Variants in ENPP2 observed in about 807,000 individuals in gnomAD.
ENPP2 encodes the protein ectonucleotide pyrophosphatase/phosphodiesterase 2.
In ENPP2, 51 loss-of-function variants were observed where a neutral mutation model predicts 120.2. The observed-to-expected ratio is 0.42, with a 90% CI of 0.34 to 0.54. The LOEUF (loss-of-function observed/expected upper bound fraction) is 0.54, where lower values mean the gene tolerates loss of function less well. Ranked by LOEUF, ENPP2 falls within the 20% of genes least tolerant of loss-of-function variation. The pLI is 0.04. For synonymous variants in ENPP2, 365 were observed against 366.4 expected, an observed-to-expected ratio of 1.00 and a Z score of 0.04; for missense variants, 920 against 1,066.5, an observed-to-expected ratio of 0.86 and a Z score of 1.91.
At chr8:119,568,745 C>T (rs554954748) in intron 21 of ENPP2, among the ~76,000 whole-genome samples, 72 of 152,216 alleles carry the variant, frequency 4.7e-4, no homozygotes, top group African/African-American at 1.6e-3. Flanking sequence ...GGACTACTGG[C>T]GTGTGCCACC....
chr8:119,605,428 ATATGTGTGTGTGTGTGTG>A (rs1814640609), intron 9 of ENPP2, among the ~76,000 whole-genome samples: 1 of 135,410 alleles, frequency 7.4e-6, no homozygotes, highest in Non-Finnish European at 1.5e-5. Context: ...AAGATACCAT[ATATGTGTGTGTGTGTGTG>A]TGTGTGTGTG....
intron 22 of ENPP2, among the ~76,000 whole-genome samples, chr8:119,567,361 A>C (rs141120180): frequency 6.6e-6 from 1 of 152,346 alleles, no homozygotes; most frequent in African/African-American, 2.4e-5. Flanking sequence ...TTGGATAATT[A>C]AGTCAGAAAT....
At chr8:119,673,286 C>G (rs1398486876) in exon 1 of ENPP2, 1 of 1,535,238 alleles carries the variant, frequency 6.5e-7, no homozygotes, top group Non-Finnish European at 8.7e-7. Flanking sequence ...GCGGGAGTCT[C>G]GGCGTCTGTT....
In ENPP2 at chr8:119,557,311, A is replaced by T; in HGVS notation, c.*210T>A. The T allele has an allele frequency of 4.1e-6, 2 of 492,246 alleles. No homozygotes were observed. The highest frequency in any genetic ancestry group is 7.1e-6 in the Non-Finnish European group (2 of 280,342). The allele number at this position is 492,246 out of a possible 1,614,324, so 30.5% of individuals were successfully genotyped here. A position where few individuals can be genotyped will look rare whatever the true frequency, so the allele number is the denominator to read the frequency against. ...AGCTTCCACTAAAAACTCAAGCTGC[A>T]GTATTTATTACAAGCTCTACTCAGA... is the stretch of plus-strand genomic sequence containing the variant. On this transcript the variant is annotated 3_prime_UTR_variant, in exon 25 of 25. Transcript: ENST00000075322.
chr8:119,665,848 A>G (rs1364978061), intron 1 of ENPP2, among the ~76,000 whole-genome samples: 1 of 152,156 alleles, frequency 6.6e-6, no homozygotes, highest in Non-Finnish European at 1.5e-5. Context: ...CCATCTTAGA[A>G]AAATATAAAT....
At chr8:119,575,256 C>T (rs927292154) in intron 19 of ENPP2, among the ~76,000 whole-genome samples, 1 of 152,018 alleles carries the variant, frequency 6.6e-6, no homozygotes, top group African/African-American at 2.4e-5. Context: ...AATCCCAGGC[C>T]ATTACTCTTC....
chr8:119,623,527 T>C, intron 3 of ENPP2, among the ~76,000 whole-genome samples: 1 of 152,198 alleles, frequency 6.6e-6, no homozygotes, highest in East Asian at 1.9e-4. Context: ...CTGCCCCTTT[T>C]GGTAAATCAT....
intron 9 of ENPP2, among the ~76,000 whole-genome samples, chr8:119,605,687 C>T (rs1361401679): frequency 7.0e-6 from 1 of 143,182 alleles, no homozygotes. Flanking sequence ...AGGCTGGTCT[C>T]GAACTCCTGA....
chr8:119,636,868 G>C (rs1424250303), intron 2 of ENPP2, among the ~76,000 whole-genome samples: 1 of 151,784 alleles, frequency 6.6e-6, no homozygotes, highest in Non-Finnish European at 1.5e-5. Context: ...CTTCACAAGT[G>C]ACTTGCCCAA....
chr8:119,571,774 A>G (rs1274902809), intron 19 of ENPP2: 1 of 153,824 alleles, frequency 6.5e-6, no homozygotes. Context: ...TTCTTGTACT[A>G]TTTTTTCTAC....
intron 4 of ENPP2, among the ~76,000 whole-genome samples, chr8:119,620,383 G>T (rs1303637708): frequency 6.6e-6 from 1 of 152,138 alleles, no homozygotes; most frequent in Non-Finnish European, 1.5e-5. Flanking sequence ...CATAATTATT[G>T]GGTAGGGGAA....
intron 23 of ENPP2, among the ~76,000 whole-genome samples, chr8:119,564,297 T>G (rs1034195199): frequency 1.2e-4 from 19 of 152,066 alleles, no homozygotes; most frequent in Non-Finnish European, 1.8e-4. Context: ...CTTTAATACA[T>G]TTTTTTCATA....
intron 8 of ENPP2, among the ~76,000 whole-genome samples, chr8:119,615,206 G>T (rs151011099): frequency 2.0e-5 from 3 of 152,024 alleles, no homozygotes; most frequent in African/African-American, 4.8e-5. Context: ...GTCATGCCAC[G>T]GTTGAGTGCA....
intron 8 of ENPP2, among the ~76,000 whole-genome samples, chr8:119,609,899 C>A (rs1001021995): frequency 2.2e-4 from 33 of 152,052 alleles, no homozygotes; most frequent in Non-Finnish European, 3.8e-4. Flanking sequence ...CAAATAATGA[C>A]CTGCACTTTC....
upstream of ENPP2, among the ~76,000 whole-genome samples, chr8:119,639,345 G>C (rs1281501102): frequency 6.6e-6 from 1 of 152,190 alleles, no homozygotes; most frequent in South Asian, 2.1e-4. Flanking sequence ...CAGTTTGAGC[G>C]ACCCTGTCCC....
At chr8:119,559,379 G>A (rs1037229873) in intron 24 of ENPP2, among the ~76,000 whole-genome samples, 1 of 152,186 alleles carries the variant, frequency 6.6e-6, no homozygotes, top group Admixed American at 6.5e-5. Flanking sequence ...GGACAGGGGT[G>A]AAAAGGTTTT....
chr8:119,557,817 T>A (rs1587300378), intron 24 of ENPP2, 126 bp from the exon 25 acceptor site: 1 of 698,468 alleles, frequency 1.4e-6, no homozygotes. Flanking sequence ...CGCATGTTGA[T>A]CCTTCCTGGC....
At chr8:119,643,573 C>T (rs1817345995), upstream of ENPP2, among the ~76,000 whole-genome samples, 1 of 152,154 alleles carries the variant, frequency 6.6e-6, no homozygotes, top group African/African-American at 2.4e-5. Flanking sequence ...TACACATGAG[C>T]CCCGACACCA....
At chr8:119,577,546 G>C (rs191419166) in intron 19 of ENPP2, among the ~76,000 whole-genome samples, 133 of 152,366 alleles carry the variant, frequency 8.7e-4, no homozygotes, top group African/African-American at 2.2e-3. Flanking sequence ...ACAGGAGAAA[G>C]AGCATTGAGG....
Sources: allele counts gnomAD v4.1 joint callset (sites outside exome capture counted in the v4.1 genomes callset), GRCh38; gene constraint gnomAD v4.1.1; transcripts MANE v1.5; gene names NCBI Gene and HGNC (gene_info 2026-07-23, HGNC 2026-07-21).